Variants in TXNL4A observed in about 807,000 individuals in gnomAD.
The protein encoded by TXNL4A is thioredoxin like 4A.
A neutral mutation model predicts 14.6 loss-of-function variants in TXNL4A; 17 were observed. The observed-to-expected ratio is 1.16, with a 90% CI of 0.80 to 1.74. TXNL4A has a LOEUF of 1.74. Ranked by LOEUF, TXNL4A falls within the 40% of genes most tolerant of loss-of-function variation. TXNL4A has a pLI of 0.00. For missense variants in TXNL4A, 74 were observed against 195.2 expected, an observed-to-expected ratio of 0.38 and a Z score of 3.70; for synonymous variants, 83 against 70.6, an observed-to-expected ratio of 1.18 and a Z score of -0.88.
chr18:79,992,252 C>A (rs567078558), upstream of TXNL4A, among the ~76,000 whole-genome samples: 1 of 152,292 alleles, frequency 6.6e-6, no homozygotes, highest in South Asian at 2.1e-4. Flanking sequence ...TTTTCATTTG[C>A]CTTTTCCTAA....
chr18:79,984,953 G>A (rs147051728), intron 1 of TXNL4A, among the ~76,000 whole-genome samples: 8 of 152,258 alleles, frequency 5.3e-5, no homozygotes, highest in African/African-American at 1.9e-4. Flanking sequence ...CTCTGAGAGC[G>A]TTCCTACAAA....
rs555936549 is a variant in TXNL4A at position 80,028,001 on chromosome 18, C to T, written c.-61+5850G>A. Among the ~76,000 whole-genome samples the T allele has an allele frequency of 2.4e-3, 363 of 152,298 alleles. 1 individual carries two copies. Among genetic ancestry groups the T allele is most frequent in the African/African-American group, 8.5e-3 (352 of 41,564 alleles). The stretch of plus-strand genomic sequence containing the variant: ...ATACTTAAAAAATGAACAAACTGAT[C>T]CCATCTTGTGGACTCTTGAGGGACA... On this transcript the variant is annotated intron_variant, in intron 1 of 2. Transcript: ENST00000585474.
intron 1 of TXNL4A, among the ~76,000 whole-genome samples, chr18:80,026,861 G>A (rs913329501): frequency 5.3e-5 from 8 of 152,108 alleles, no homozygotes; most frequent in Middle Eastern, 3.4e-3. Context: ...GGAACCAGAG[G>A]ACCAAAAATA....
chr18:79,988,438 G>A lies in TXNL4A; in HGVS notation c.-46C>T, dbSNP rs2051591213. 2 of 1,365,618 alleles carry A rather than the reference G, an allele frequency of 1.5e-6. No individual in the cohort carries two copies. Among genetic ancestry groups the A allele is most frequent in the Admixed American group, 2.7e-5 (1 of 37,326 alleles). The allele number at this position is 1,365,618 out of a possible 1,614,324, so 84.6% of individuals were successfully genotyped here. ...CCGCCCAAGGCGGGGCGCCAGGGAG[G>A]GCCCAGCGAGGTGGGCTCAGCCGGC... On this transcript the variant is annotated 5_prime_UTR_variant, in exon 1 of 3. Transcript: ENST00000269601.
intron 1 of TXNL4A, among the ~76,000 whole-genome samples, chr18:79,985,401 T>G (rs544916917): frequency 6.6e-6 from 1 of 151,758 alleles, no homozygotes; most frequent in Non-Finnish European, 1.5e-5. Flanking sequence ...CACAGGCACA[T>G]GCCACAACGC....
intron 1 of TXNL4A, among the ~76,000 whole-genome samples, chr18:80,027,412 G>A (rs1369120012): frequency 1.3e-5 from 2 of 152,034 alleles, no homozygotes; most frequent in Non-Finnish European, 2.9e-5. Context: ...ACACCCAATA[G>A]TCCCAAACCA....
chr18:80,026,601 G>A (rs1024916141), intron 1 of TXNL4A, among the ~76,000 whole-genome samples: 10 of 152,072 alleles, frequency 6.6e-5, no homozygotes, highest in Admixed American at 3.3e-4. Context: ...CCCATTCCTC[G>A]GAGTAATAAA....
At chr18:80,030,853 G>A (rs2051916300) in intron 1 of TXNL4A, among the ~76,000 whole-genome samples, 1 of 152,152 alleles carries the variant, frequency 6.6e-6, no homozygotes, top group African/African-American at 2.4e-5. Flanking sequence ...TGTAATCCCA[G>A]CTACTTGGCA....
intron 1 of TXNL4A, chr18:79,986,716 A>C (rs1432069375): frequency 1.0e-6 from 1 of 985,360 alleles, no homozygotes; most frequent in South Asian, 4.7e-5. Flanking sequence ...TGCCGGCAGC[A>C]GGATCTGAAC....
At position 79,978,734 on chromosome 18, in the gene TXNL4A, T is replaced by C. The variant is rs991968579; in HGVS notation, c.154-1033A>G. Among the ~76,000 whole-genome samples, 4 of 152,276 alleles carry C rather than the reference T, an allele frequency of 2.6e-5. No individual in the cohort carries two copies. The East Asian group carries it at 7.7e-4, about 29-fold the overall frequency. ...GTCTTGAACTCCTGGACTCAAGTGATACGCCTGCCTTGGCCTCCCAAAGTG... is the reference window on the plus strand; with the variant it reads ...GTCTTGAACTCCTGGACTCAAGTGACACGCCTGCCTTGGCCTCCCAAAGTG... On this transcript the variant is annotated intron_variant, in intron 1 of 2. Transcript: ENST00000269601.
rs1353968033 is a variant in TXNL4A, at chr18:79,972,167, C to T, written c.*1518G>A. The T allele has an allele frequency of 6.6e-6, 1 of 152,250 alleles. No homozygotes were observed. The highest frequency in any genetic ancestry group is 6.5e-5 in the Admixed American group (1 of 15,270). 9.4% of individuals were successfully genotyped at this position (152,250 alleles called of 1,614,324 possible). A position where few individuals can be genotyped will look rare whatever the true frequency, so the allele number is the denominator to read the frequency against. ...CGAGCCCTGTGCACCACTCCTGTGC[C>T]CGGCAGGCACCACGTGCTTCTGCGT... On this transcript the variant is annotated 3_prime_UTR_variant, in exon 3 of 3. Transcript: ENST00000269601.
intron 1 of TXNL4A, chr18:79,985,836 G>A (rs2051539086): frequency 6.6e-6 from 1 of 152,120 alleles, no homozygotes; most frequent in African/African-American, 2.4e-5. Flanking sequence ...CTCGGAACAA[G>A]GTAAGGAAGA....
At chr18:79,984,863 A>G (rs1347716248) in intron 1 of TXNL4A, among the ~76,000 whole-genome samples, 2 of 152,238 alleles carry the variant, frequency 1.3e-5, no homozygotes, top group Non-Finnish European at 2.9e-5. Flanking sequence ...CATGGGATTT[A>G]GGTAACAGTG....
chr18:79,997,613 A>G (rs2051671619), intron 1 of TXNL4A, among the ~76,000 whole-genome samples: 1 of 152,174 alleles, frequency 6.6e-6, no homozygotes, highest in Admixed American at 6.5e-5. Flanking sequence ...CTTGGAAAGA[A>G]GGGCAATATA....
chr18:80,021,657 G>T (rs1226282361), intron 1 of TXNL4A, among the ~76,000 whole-genome samples: 3 of 152,198 alleles, frequency 2.0e-5, no homozygotes, highest in Non-Finnish European at 4.4e-5. Context: ...TAACAAGATG[G>T]AGGTTCTGAA....
chr18:79,973,631 C>A lies in TXNL4A; in HGVS notation c.*54G>T. ...TCCAAAGGCTTTAAATAGCTTAAAA[C>A]GTTTCCATACAAAAAGGGCTCCACG... On this transcript the variant is annotated 3_prime_UTR_variant, in exon 3 of 3. Transcript: ENST00000269601. The A allele has an allele frequency of 6.4e-7, 1 of 1,555,790 alleles. No homozygotes were observed. Among genetic ancestry groups the A allele is most frequent in the Non-Finnish European group, 8.7e-7 (1 of 1,154,330 alleles).
At position 79,975,487 on chromosome 18, in the gene TXNL4A, C is replaced by T. The variant is rs543567949; in HGVS notation, c.258-1631G>A. 2.0e-5 allele frequency among the ~76,000 whole-genome samples: 3 copies of T among 152,362 alleles called. No individual in the cohort carries two copies. The South Asian group carries it at 6.2e-4, about 32-fold the overall frequency. ...AAGGCTGTTGCCTGCAGCCTCCTTG[C>T]CCCTCACAGCATCTCCAGCCCCAGG... is the stretch of plus-strand genomic sequence containing the variant. On this transcript the variant is annotated intron_variant, in intron 2 of 2. Transcript: ENST00000269601.
At chr18:80,022,744 G>C (rs994098183) in intron 1 of TXNL4A, among the ~76,000 whole-genome samples, 3 of 152,198 alleles carry the variant, frequency 2.0e-5, no homozygotes, top group African/African-American at 7.2e-5. Flanking sequence ...GAAGGAAAGA[G>C]AGAAAAGGTG....
chr18:79,977,332 T>C, intron 2 of TXNL4A: 1 of 509,406 alleles, frequency 2.0e-6, no homozygotes, highest in Non-Finnish European at 3.4e-6. Flanking sequence ...AGTAACAACA[T>C]CTTTCATTGA....
Sources: gnomAD v4.1 joint callset for allele counts (sites outside exome capture counted in the v4.1 genomes callset) on GRCh38, gnomAD v4.1.1 for gene constraint, MANE v1.5 for transcripts, NCBI Gene and HGNC (gene_info 2026-07-23, HGNC 2026-07-21) for gene names.